MIA2: variants seen among roughly 807,000 people sequenced by gnomAD.
MIA2 encodes the protein MIA SH3 domain ER export factor 2, also known as melanoma inhibitory activity protein 2.
MIA2 carries 127 observed loss-of-function variants against 167.8 expected under a neutral mutation model. That is an observed-to-expected ratio of 0.76 (90% confidence interval 0.66 to 0.88). MIA2 has a LOEUF of 0.88. MIA2 is among the 40% of genes least tolerant of loss of function. The pLI is 0.00. For missense variants in MIA2, 1,690 were observed against 1,624.7 expected, an observed-to-expected ratio of 1.04 and a Z score of -0.69; for synonymous variants, 552 against 541.9, an observed-to-expected ratio of 1.02 and a Z score of -0.26.
chr14:39,387,981 A>G (rs1451848296), exon 24 of MIA2: 2 of 152,248 alleles, frequency 1.3e-5, no homozygotes, highest in African/African-American at 2.4e-5. Context: ...ACATTTCAGT[A>G]TAAACATAAC....
Position 39,350,133 on chromosome 14 carries a change from T to C in MIA2, c.4108T>C (p.Tyr1370His). ...NVYPPRGFPP[Y>H]LPPRPGFFPP... ...CTATCCACCGAGGGGTTTTCCTCCT[T>C]ACCTTCCCCCAAGACCTGGATTTTT... The change falls in exon 29 of 29, where the codon TAC becomes CAC. Residue 1370 changes from tyrosine (Y) to histidine (H), a missense_variant. Coordinates refer to ENST00000640607, the MANE Select transcript of MIA2 (RefSeq NM_001329214.4). 1 of 1,384,366 alleles carries C rather than the reference T, an allele frequency of 7.2e-7. No homozygotes were observed. Among genetic ancestry groups the C allele is most frequent in the South Asian group, 1.3e-5 (1 of 75,160 alleles). 85.8% of individuals were successfully genotyped at this position (1,384,366 alleles called of 1,614,324 possible).
rs1198647062 is a variant in MIA2, at chr14:39,302,165, G to A, written c.2656G>A (p.Ala886Thr). ...ACGCTTGTTAAAGATGAAAGATTGG[G>A]CTGCTATGCTTGGAGAAGACATAAC... ...TERLLKMKDW[A>T]AMLGEDITDD... Residue 886 changes from alanine (A) to threonine (T), a missense_variant, in exon 15 of 29, where the codon GCT becomes ACT. By Grantham distance (58) the Ala-to-Thr change is moderately conservative. Coordinates refer to ENST00000640607, the MANE Select transcript of MIA2 (RefSeq NM_001329214.4). 1 of 1,613,656 alleles carries A rather than the reference G, an allele frequency of 6.2e-7. No homozygotes were observed. The highest frequency in any genetic ancestry group is 1.7e-5 in the Admixed American group (1 of 60,006).
chr14:39,345,719 C>T (rs1198386974), intron 25 of MIA2, among the ~76,000 whole-genome samples, 185 bp from the exon 26 acceptor site: 1 of 152,050 alleles, frequency 6.6e-6, no homozygotes, highest in Non-Finnish European at 1.5e-5. Flanking sequence ...CTTGTGTTTA[C>T]TATAAAGGTT....
At chr14:39,291,678 T>G (rs1005741692) in intron 10 of MIA2, among the ~76,000 whole-genome samples, 2 of 152,136 alleles carry the variant, frequency 1.3e-5, no homozygotes, top group African/African-American at 4.8e-5. Flanking sequence ...CATGGCCAGT[T>G]TCAAGCTACC....
intron 14 of MIA2, among the ~76,000 whole-genome samples, chr14:39,301,049 C>CATATACAT (rs1566820419): frequency 2.4e-3 from 12 of 4,948 alleles, no homozygotes; most frequent in Admixed American, 7.8e-3. Flanking sequence ...TACACACACA[C>CATATACAT]ACACACACAC....
intron 6 of MIA2, among the ~76,000 whole-genome samples, chr14:39,258,566 C>G (rs146021277): frequency 9.2e-4 from 140 of 152,280 alleles, no homozygotes; most frequent in African/African-American, 3.2e-3. Flanking sequence ...TATTACCCAC[C>G]TTCTGAAGCC....
intron 6 of MIA2, chr14:39,265,908 C>G (rs1377873902): frequency 2.3e-6 from 2 of 883,536 alleles, no homozygotes; most frequent in Non-Finnish European, 2.7e-6. Context: ...TGGAGAATTA[C>G]TAAGCAATTT....
intron 23 of MIA2, among the ~76,000 whole-genome samples, chr14:39,365,650 CCT>C (rs2074804308): frequency 6.8e-6 from 1 of 147,872 alleles, no homozygotes; most frequent in African/African-American, 2.5e-5. Context: ...TTTAAAAATA[CCT>C]ATCTATCTAT....
intron 25 of MIA2, among the ~76,000 whole-genome samples, chr14:39,345,250 T>A (rs1490960324): frequency 6.6e-6 from 1 of 152,030 alleles, no homozygotes; most frequent in African/African-American, 2.4e-5. Context: ...ATTTTTATAT[T>A]TTTAGTAGAG....
rs868815875 is a variant in MIA2 at position 39,307,376 on chromosome 14, C to T, written c.2879-1073C>T. Among the ~76,000 whole-genome samples, 41 of 131,880 alleles carry T rather than the reference C, an allele frequency of 3.1e-4. No individual in the cohort carries two copies. The Middle Eastern group carries it at 0.013, about 41-fold the overall frequency. 86.5% of individuals were successfully genotyped at this position (131,880 alleles called of 152,430 possible). ...GTGTTGGGAATCCTATAAATAATAA[C>T]AAAAGTTAAAAGAATTTTTTTTTTT... On this transcript the variant is annotated intron_variant, in intron 17 of 28. Transcript: ENST00000640607.
chr14:39,254,717 C>T lies in MIA2; in HGVS notation c.1887+1546C>T, dbSNP rs543249469. 2.6e-5 allele frequency among the ~76,000 whole-genome samples: 4 copies of T among 151,926 alleles called. No homozygotes were observed. In the East Asian group the frequency reaches 7.7e-4, roughly 29 times the overall value. ...ATCTGGATTTTTGTGTGTGAAATCT[C>T]ACAATTTTTAATACTGGCAAATATT... On this transcript the variant is annotated intron_variant, in intron 6 of 28. Coordinates refer to ENST00000640607, the MANE Select transcript of MIA2 (RefSeq NM_001329214.4).
chr14:39,346,764 C>T (rs1186591555), intron 26 of MIA2: 4 of 163,982 alleles, frequency 2.4e-5, no homozygotes, highest in African/African-American at 7.3e-5. Flanking sequence ...CAGGTGTGCA[C>T]CACCACACAT....
chr14:39,252,880 A>T lies in MIA2; in HGVS notation c.1700A>T (p.Asp567Val). 1.2e-6 allele frequency: 2 copies of T among 1,614,072 alleles called. No individual in the cohort carries two copies. The highest frequency in any genetic ancestry group is 1.7e-6 in the Non-Finnish European group (2 of 1,179,958). ...GAAGGGCCTGCTCTGGTGGAGATAG[A>T]CAGATCTGTGGAAAATACCCTGCTA... ...DTEGPALVEI[D>V]RSVENTLLNS... is the part of the protein sequence containing the mutation. Residue 567 changes from aspartate to valine, a missense_variant, in exon 5 of 29, where the codon GAC becomes GTC. Physicochemically the swap from Asp to Val is radical, Grantham distance 152 (BLOSUM62 -3). Transcript: ENST00000640607.
intron 6 of MIA2, among the ~76,000 whole-genome samples, chr14:39,260,441 A>G (rs1404404635): frequency 6.6e-6 from 1 of 152,088 alleles, no homozygotes; most frequent in Non-Finnish European, 1.5e-5. Flanking sequence ...TTTGATTTGC[A>G]TTTCTCTGAT....
intron 13 of MIA2, 66 bp downstream of exon 13, chr14:39,295,095 T>G (rs2061245561): frequency 9.1e-7 from 1 of 1,095,714 alleles, no homozygotes; most frequent in Non-Finnish European, 1.4e-6. Context: ...GTCATCCTCA[T>G]GACTGACCCA....
intron 6 of MIA2, chr14:39,266,070 C>A: frequency 1.0e-6 from 1 of 985,408 alleles, no homozygotes; most frequent in South Asian, 4.7e-5. Context: ...TTTTAAATGG[C>A]ATAACAGTTC....
Position 39,319,292 on chromosome 14 carries a change from G to T in MIA2, c.3367+1G>T. On this transcript the variant is annotated splice_donor_variant, in intron 23 of 28. Transcript: ENST00000640607. LOFTEE classifies it high-confidence loss of function. The stretch of plus-strand genomic sequence containing the variant: ...GTTCCAAATACAGCATTTGGCAGAG[G>T]TAGTCTTTTTTTTTTTACCCCTCAT... The T allele has an allele frequency of 2.0e-6, 3 of 1,498,588 alleles. No individual in the cohort carries two copies. Among genetic ancestry groups the T allele is most frequent in the South Asian group, 1.5e-5 (1 of 68,936 alleles). 92.8% of individuals were successfully genotyped at this position (1,498,588 alleles called of 1,614,324 possible). A position where few individuals can be genotyped will look rare whatever the true frequency, so the allele number is the denominator to read the frequency against.
chr14:39,362,074 T>A (rs527791389), intron 23 of MIA2, among the ~76,000 whole-genome samples: 1 of 152,334 alleles, frequency 6.6e-6, no homozygotes, highest in African/African-American at 2.4e-5. Flanking sequence ...GATATGCTTT[T>A]TGATTCAGTT....
chr14:39,366,457 G>A (rs549126951), intron 23 of MIA2, among the ~76,000 whole-genome samples: 26 of 152,220 alleles, frequency 1.7e-4, no homozygotes, highest in Admixed American at 3.3e-4. Context: ...ACTTGTTTTG[G>A]AAATGGCTGT....
Sources: allele counts gnomAD v4.1 joint callset (sites outside exome capture counted in the v4.1 genomes callset), GRCh38; gene constraint gnomAD v4.1.1; transcripts MANE v1.5; gene names NCBI Gene and HGNC (gene_info 2026-07-23, HGNC 2026-07-21).